The following CMC2 variants were observed in gnomAD, a reference collection of about 807,000 sequenced individuals.
CMC2 encodes the protein C-X9-C motif containing 2, also known as COX assembly mitochondrial protein 2 homolog.
CMC2 carries 5 observed loss-of-function variants against 7.5 expected under a neutral mutation model. That is an observed-to-expected ratio of 0.66 (90% CI 0.35 to 1.40). The LOEUF is 1.40. Among genes scored for constraint, CMC2 ranks in the 40% most tolerant of loss-of-function variants. The pLI, the probability that CMC2 is intolerant of heterozygous loss-of-function variation, is 0.04. For missense variants in CMC2, 115 were observed against 92.3 expected (o/e 1.25, Z -1.01); for synonymous variants, 37 against 31.4 (o/e 1.18, Z -0.60).
Position 80,981,786 on chromosome 16 carries a change from T to A in CMC2, c.153+20A>T. ...CTGTTCTATTGTTCAACCATATCCATCCTTTGACACTTTTCTTACCTCATT... is the reference window on the plus strand; with the variant it reads ...CTGTTCTATTGTTCAACCATATCCAACCTTTGACACTTTTCTTACCTCATT... On this transcript the variant is annotated intron_variant, in intron 3 of 3. Transcript: ENST00000219400. 6.5e-7 allele frequency: 1 copy of A among 1,526,882 alleles called. No individual in the cohort carries two copies. The highest frequency in any genetic ancestry group is 9.1e-7 in the Non-Finnish European group (1 of 1,103,274). The allele number at this position is 1,526,882 out of a possible 1,614,324, so 94.6% of individuals were successfully genotyped here.
chr16:81,005,112 T>C (rs993092749), intron 1 of CMC2, among the ~76,000 whole-genome samples: 7 of 152,060 alleles, frequency 4.6e-5, no homozygotes, highest in Non-Finnish European at 1.0e-4. Flanking sequence ...AAAAAAAAAC[T>C]GTAAACACTC....
intron 2 of CMC2, among the ~76,000 whole-genome samples, chr16:80,991,097 G>C (rs774933205): frequency 1.1e-4 from 16 of 151,178 alleles, no homozygotes; most frequent in Non-Finnish European, 2.4e-4. Flanking sequence ...AACAATTTGA[G>C]CAACAAAACA....
intron 2 of CMC2, among the ~76,000 whole-genome samples, chr16:80,989,805 T>A (rs1311098561): frequency 6.6e-6 from 1 of 152,226 alleles, no homozygotes; most frequent in Admixed American, 6.5e-5. Context: ...ACTTCTATAT[T>A]TATGACAGTA....
Position 80,967,985 on chromosome 16 carries a change from A to C in CMC2, c.*8108T>G, listed in dbSNP as rs192124089. ...GAACTTTTCTCAAAAACTTAAATAC[A>C]AAAGTTATTTGAGGAAACTGCTTAA... is the stretch of plus-strand genomic sequence containing the variant. On this transcript the variant is annotated 3_prime_UTR_variant, in exon 4 of 4. Coordinates refer to ENST00000219400, the MANE Select transcript of CMC2 (RefSeq NM_020188.5). The C allele has an allele frequency of 2.0e-5, 3 of 152,318 alleles. No homozygotes were observed. The highest frequency in any genetic ancestry group is 4.4e-5 in the Non-Finnish European group (3 of 68,036). 9.4% of individuals were successfully genotyped at this position (152,318 alleles called of 1,614,324 possible).
chr16:80,977,553 T>A (rs1323815077), intron 3 of CMC2, among the ~76,000 whole-genome samples: 1 of 152,102 alleles, frequency 6.6e-6, no homozygotes, highest in African/African-American at 2.4e-5. Flanking sequence ...AAATTAAAGA[T>A]TAGTGATACC....
intron 3 of CMC2, chr16:80,980,910 C>A: frequency 1.4e-6 from 1 of 690,372 alleles, no homozygotes. Flanking sequence ...AAAAAAGAAA[C>A]AAACTATTAC....
At chr16:80,992,290 T>C (rs560164490) in intron 2 of CMC2, among the ~76,000 whole-genome samples, 35 of 152,376 alleles carry the variant, frequency 2.3e-4, no homozygotes, top group African/African-American at 7.9e-4. Flanking sequence ...CCCAACATTT[T>C]CCAAGTGCAA....
chr16:80,997,303 T>TTTA lies in CMC2; in HGVS notation c.81+10_81+11insTAA. The TTTA allele has an allele frequency of 7.2e-7, 1 of 1,396,976 alleles. No homozygotes were observed. Among genetic ancestry groups the TTTA allele is most frequent in the Non-Finnish European group, 1.0e-6 (1 of 982,654 alleles). The allele number at this position is 1,396,976 out of a possible 1,614,324, so 86.5% of individuals were successfully genotyped here. Reference sequence around the variant, plus strand: ...CATTTTGGCTGTACAGTCGTTTTTCTGAACTCTTACATTTTTGTGACATTC... The same window carrying TTTA: ...CATTTTGGCTGTACAGTCGTTTTTCTTTAGAACTCTTACATTTTTGTGACATTC... On this transcript the variant is annotated intron_variant, in intron 2 of 3. Coordinates refer to ENST00000219400, the MANE Select transcript of CMC2 (RefSeq NM_020188.5).
At chr16:80,985,302 C>T (rs187787752) in intron 2 of CMC2, among the ~76,000 whole-genome samples, 1 of 152,104 alleles carries the variant, frequency 6.6e-6, no homozygotes, top group Non-Finnish European at 1.5e-5. Context: ...AAGGGTATAG[C>T]GGAGTTTTCC....
intron 1 of CMC2, chr16:80,998,209 G>C (rs1478739358): frequency 6.6e-6 from 1 of 151,568 alleles, no homozygotes; most frequent in African/African-American, 2.4e-5. Flanking sequence ...GTTGGGACAG[G>C]CATGAGCTAC....
chr16:80,995,093 C>A (rs1968303011), intron 2 of CMC2, among the ~76,000 whole-genome samples: 1 of 152,086 alleles, frequency 6.6e-6, no homozygotes, highest in South Asian at 2.1e-4. Flanking sequence ...TTGCAGTGAG[C>A]CAAGATTGGG....
chr16:80,977,408 G>A (rs1308893077), intron 3 of CMC2, among the ~76,000 whole-genome samples: 1 of 152,166 alleles, frequency 6.6e-6, no homozygotes, highest in Non-Finnish European at 1.5e-5. Flanking sequence ...CACTTTAAAG[G>A]TGGATGAGTG....
intron 1 of CMC2, among the ~76,000 whole-genome samples, chr16:81,000,496 G>A (rs567257335): frequency 1.3e-5 from 2 of 150,946 alleles, no homozygotes; most frequent in South Asian, 2.1e-4. Flanking sequence ...ACTCCGTCTC[G>A]AAAAAACAAA....
rs562386912 is a variant in CMC2, at chr16:80,973,330, T to C, written c.*2763A>G. 6.6e-6 allele frequency: 1 copy of C among 152,112 alleles called. No homozygotes were observed. Among genetic ancestry groups the C allele is most frequent in the Non-Finnish European group, 1.5e-5 (1 of 68,022 alleles). 9.4% of individuals were successfully genotyped at this position (152,112 alleles called of 1,614,324 possible). A position where few individuals can be genotyped will look rare whatever the true frequency, so the allele number is the denominator to read the frequency against. On this transcript the variant is annotated 3_prime_UTR_variant, in exon 4 of 4. Coordinates refer to ENST00000219400, the MANE Select transcript of CMC2 (RefSeq NM_020188.5). ...AACGGTATCAGCCCTAGTGATTTGG[T>C]GCCTTCTACCAAACTACGGAGGAAG... is the stretch of plus-strand genomic sequence containing the variant.
chr16:80,966,893 GTTTA>G lies in CMC2; in HGVS notation c.*9196_*9199del, dbSNP rs952901673. ...TATACCTTTGTGTAAATGCATCATT[GTTTA>G]TTTAACTACTGTCCTATTCGTAGAC... On this transcript the variant is annotated 3_prime_UTR_variant, in exon 4 of 4. Transcript: ENST00000219400. 9.2e-6 allele frequency: 1 copy of G among 108,678 alleles called. No individual in the cohort carries two copies. Among genetic ancestry groups the G allele is most frequent in the African/African-American group, 4.8e-5 (1 of 20,704 alleles). The allele number at this position is 108,678 out of a possible 1,614,324, so 6.7% of individuals were successfully genotyped here.
rs145618180 is a variant in CMC2 at position 80,969,436 on chromosome 16, T to C, written c.*6657A>G. On this transcript the variant is annotated 3_prime_UTR_variant, in exon 4 of 4. Coordinates refer to ENST00000219400, the MANE Select transcript of CMC2 (RefSeq NM_020188.5). ...CTGGGAAGGTTCTTGCCCACTTCAGTAAATGGGGCCCACAGGAAGGTCTGA... is the reference window on the plus strand; with the variant it reads ...CTGGGAAGGTTCTTGCCCACTTCAGCAAATGGGGCCCACAGGAAGGTCTGA... 6.6e-6 allele frequency: 1 copy of C among 152,240 alleles called. No homozygotes were observed. Among genetic ancestry groups the C allele is most frequent in the Admixed American group, 6.5e-5 (1 of 15,292 alleles). 9.4% of individuals were successfully genotyped at this position (152,240 alleles called of 1,614,324 possible).
intron 2 of CMC2, among the ~76,000 whole-genome samples, chr16:80,986,281 CG>C (rs1395119175): frequency 6.6e-6 from 1 of 152,046 alleles, no homozygotes; most frequent in Non-Finnish European, 1.5e-5. Context: ...ACCGGAGAGA[CG>C]GAAGTTGTAG....
intron 1 of CMC2, among the ~76,000 whole-genome samples, chr16:81,000,731 G>A (rs1222917609): frequency 6.6e-6 from 1 of 152,162 alleles, no homozygotes; most frequent in Non-Finnish European, 1.5e-5. Flanking sequence ...AAAAGAGAAT[G>A]CTTATACACT....
intron 3 of CMC2, among the ~76,000 whole-genome samples, chr16:80,978,754 C>T (rs1966875642): frequency 6.6e-6 from 1 of 151,756 alleles, no homozygotes. Flanking sequence ...AGCGGAGTCC[C>T]AACAAGAAAT....
Sources: allele counts gnomAD v4.1 joint callset (sites outside exome capture counted in the v4.1 genomes callset), GRCh38; gene constraint gnomAD v4.1.1; transcripts MANE v1.5; gene names NCBI Gene and HGNC (gene_info 2026-07-23, HGNC 2026-07-21).